The following CCDC127 variants were observed in gnomAD, a reference collection of about 807,000 sequenced individuals.
The protein encoded by CCDC127 is coiled-coil domain containing 127.
Under a neutral mutation model 4.1 loss-of-function variants are expected in CCDC127, and 2 were observed. The ratio of observed to expected loss-of-function variants is 0.49; its 90% CI spans 0.20 to 1.53. The LOEUF is 1.53. Ranked by LOEUF, CCDC127 falls within the 40% of genes most tolerant of loss-of-function variation. The pLI is 0.23. For missense variants in CCDC127, 271 were observed against 322.9 expected, an observed-to-expected ratio of 0.84 and a Z score of 1.23; for synonymous variants, 98 against 120.4, an observed-to-expected ratio of 0.81 and a Z score of 1.22.
Position 202,138 on chromosome 5 carries a change from A to C in CCDC127, c.*3159T>G, listed in dbSNP as rs1330523838. 6.6e-6 allele frequency: 1 copy of C among 152,282 alleles called. No homozygotes were observed. The highest frequency in any genetic ancestry group is 1.5e-5 in the Non-Finnish European group (1 of 68,058). 9.4% of individuals were successfully genotyped at this position (152,282 alleles called of 1,614,324 possible). ...CCACTGTGGGCTCACCTTTCGGTAC[A>C]TGTGTGGAGTTACCAAATGGCACAG... is the stretch of plus-strand genomic sequence containing the variant. On this transcript the variant is annotated 3_prime_UTR_variant, in exon 3 of 3. Coordinates refer to ENST00000296824, the MANE Select transcript of CCDC127 (RefSeq NM_145265.3).
chr5:206,013 T>A, intron 2 of CCDC127, 55 bp from the exon 3 acceptor site: 1 of 1,460,654 alleles, frequency 6.8e-7, no homozygotes, highest in South Asian at 1.3e-5. Flanking sequence ...TGAAGTTCTA[T>A]AATCCTCACT....
chr5:206,184 G>A (rs1369672095), intron 2 of CCDC127, among the ~76,000 whole-genome samples: 5 of 90,542 alleles, frequency 5.5e-5, no homozygotes, highest in African/African-American at 1.3e-4. Context: ...AGCCCTTTCC[G>A]TCTTCTAACT....
rs1560972906 is a variant in CCDC127 at position 201,182 on chromosome 5, CGAG to C, written c.*4112_*4114del. ...GTCCTCATGCTGGAACAAGACACCT[CGAG>C]GAGGAAGCAGCTGCCACTCATGGCT... On this transcript the variant is annotated 3_prime_UTR_variant, in exon 3 of 3. Transcript: ENST00000296824. 2.6e-5 allele frequency: 4 copies of C among 152,260 alleles called. No individual in the cohort carries two copies. The highest frequency in any genetic ancestry group is 9.6e-5 in the African/African-American group (4 of 41,452). 9.4% of individuals were successfully genotyped at this position (152,260 alleles called of 1,614,324 possible).
At chr5:206,485 C>A (rs1333627564) in intron 2 of CCDC127, among the ~76,000 whole-genome samples, 1 of 152,216 alleles carries the variant, frequency 6.6e-6, no homozygotes, top group East Asian at 1.9e-4. Flanking sequence ...ACGAAGATTG[C>A]TGGGAGGCTG....
rs988095456 is a variant in CCDC127, at chr5:203,426, G to C, written c.*1871C>G. 6.6e-6 allele frequency: 1 copy of C among 152,254 alleles called. No homozygotes were observed. The highest frequency in any genetic ancestry group is 1.5e-5 in the Non-Finnish European group (1 of 68,084). 9.4% of individuals were successfully genotyped at this position (152,254 alleles called of 1,614,324 possible). ...GGCGTGGGTGCCGAGAGCAGAGCATGGCAGGGGGCCCGTGTCTGTTGCAGG... is the reference window on the plus strand; with the variant it reads ...GGCGTGGGTGCCGAGAGCAGAGCATCGCAGGGGGCCCGTGTCTGTTGCAGG... On this transcript the variant is annotated 3_prime_UTR_variant, in exon 3 of 3. Coordinates refer to ENST00000296824, the MANE Select transcript of CCDC127 (RefSeq NM_145265.3).
At position 218,132 on chromosome 5, in the gene CCDC127, C is replaced by CCA. The variant is rs1382108173; in HGVS notation, c.-52_-51dup. ...GCGGGACCTCAGCGTTCCCTTAACG[C>CCA]CACCGTCCGCGGGTCCGCTTTGCGC... On this transcript the variant is annotated 5_prime_UTR_variant, in exon 1 of 3. Coordinates refer to ENST00000296824, the MANE Select transcript of CCDC127 (RefSeq NM_145265.3). 17 of 1,234,816 alleles carry CCA rather than the reference C, an allele frequency of 1.4e-5. No homozygotes were observed. The highest frequency in any genetic ancestry group is 1.6e-5 in the Non-Finnish European group (16 of 987,150). The allele number at this position is 1,234,816 out of a possible 1,614,324, so 76.5% of individuals were successfully genotyped here.
chr5:203,834 G>A lies in CCDC127; in HGVS notation c.*1463C>T, dbSNP rs951704725. 1 of 152,256 alleles carries A rather than the reference G, an allele frequency of 6.6e-6. No homozygotes were observed. Among genetic ancestry groups the A allele is most frequent in the Non-Finnish European group, 1.5e-5 (1 of 68,042 alleles). 9.4% of individuals were successfully genotyped at this position (152,256 alleles called of 1,614,324 possible). On this transcript the variant is annotated 3_prime_UTR_variant, in exon 3 of 3. Coordinates refer to ENST00000296824, the MANE Select transcript of CCDC127 (RefSeq NM_145265.3). ...TAGCTCTTCCACATCTCCGTAAAGT[G>A]AGGTGCGTGGTGACGAATTCACACA...
At chr5:206,155 A>G (rs540784646) in intron 2 of CCDC127, among the ~76,000 whole-genome samples, 197 bp from the exon 3 acceptor site, 2 of 150,368 alleles carry the variant, frequency 1.3e-5, no homozygotes, top group East Asian at 3.9e-4. Flanking sequence ...GGGCTGGGTG[A>G]CCAAAAGACC....
At chr5:213,265 C>T (rs532058190) in intron 2 of CCDC127, among the ~76,000 whole-genome samples, 21 of 75,076 alleles carry the variant, frequency 2.8e-4, no homozygotes, top group African/African-American at 4.6e-4. Flanking sequence ...CACTGATGCT[C>T]GACATCGCAC....
chr5:208,844 T>A (rs6861223), intron 2 of CCDC127, among the ~76,000 whole-genome samples: 1 of 152,006 alleles, frequency 6.6e-6, no homozygotes, highest in African/African-American at 2.4e-5. Flanking sequence ...AATGCGCAGG[T>A]TCAAACAGAA....
chr5:216,274 G>A (rs191359098), intron 2 of CCDC127: 60 of 193,048 alleles, frequency 3.1e-4, no homozygotes, highest in African/African-American at 1.3e-3. Context: ...CTGGTCACTC[G>A]ATCTGCCCAC....
At chr5:210,105 G>A (rs1734250793) in intron 2 of CCDC127, among the ~76,000 whole-genome samples, 1 of 152,178 alleles carries the variant, frequency 6.6e-6, no homozygotes, top group Non-Finnish European at 1.5e-5. Context: ...AGGCAAACAG[G>A]CTGGAAAGAA....
intron 2 of CCDC127, among the ~76,000 whole-genome samples, chr5:206,683 T>C (rs749899924): frequency 1.3e-5 from 2 of 152,126 alleles, no homozygotes; most frequent in African/African-American, 2.4e-5. Context: ...GTTTCAACAA[T>C]AAAAAAAGAC....
At chr5:209,857 G>GA (rs1734243989) in intron 2 of CCDC127, among the ~76,000 whole-genome samples, 1 of 151,794 alleles carries the variant, frequency 6.6e-6, no homozygotes, top group Admixed American at 6.6e-5. Context: ...AGCTGATGAA[G>GA]AAAAATCACG....
At position 197,296 on chromosome 5, in the gene CCDC127, C is replaced by T. The variant is rs947649718; in HGVS notation, c.*8001G>A. 6.6e-6 allele frequency: 1 copy of T among 152,216 alleles called. No homozygotes were observed. The highest frequency in any genetic ancestry group is 1.9e-4 in the East Asian group (1 of 5,182). 9.4% of individuals were successfully genotyped at this position (152,216 alleles called of 1,614,324 possible). On this transcript the variant is annotated 3_prime_UTR_variant, in exon 3 of 3. Coordinates refer to ENST00000296824, the MANE Select transcript of CCDC127 (RefSeq NM_145265.3). ...CGAGCAGGAGACAGTGGACTTCTCTCTCTCAACTGCAAGAGGCTTTCGTCT... is the reference window on the plus strand; with the variant it reads ...CGAGCAGGAGACAGTGGACTTCTCTTTCTCAACTGCAAGAGGCTTTCGTCT...
chr5:206,663 A>G (rs1401086045), intron 2 of CCDC127, among the ~76,000 whole-genome samples: 1 of 152,208 alleles, frequency 6.6e-6, no homozygotes, highest in Non-Finnish European at 1.5e-5. Context: ...CACAAGTAAG[A>G]GTTGGATGTG....
chr5:204,325 C>A lies in CCDC127; in HGVS notation c.*972G>T, dbSNP rs9312962. The A allele has an allele frequency of 0.35, 53,902 of 152,140 alleles. 11,908 individuals are homozygous for A. The highest frequency in any genetic ancestry group is 0.62 in the African/African-American group (25,822 of 41,466). 9.4% of individuals were successfully genotyped at this position (152,140 alleles called of 1,614,324 possible). On this transcript the variant is annotated 3_prime_UTR_variant, in exon 3 of 3. Coordinates refer to ENST00000296824, the MANE Select transcript of CCDC127 (RefSeq NM_145265.3). ...CTGGCCTTGGGGCACCTCCGCAAAG[C>A]GTAATAGTAATACTCACTTCACAGG...
Position 205,548 on chromosome 5 carries a change from G to T in CCDC127, c.532C>A (p.Leu178Ile). Residue 178 changes from leucine (L) to isoleucine (I), a missense_variant, in exon 3 of 3, where the codon CTT (leucine) becomes ATT (isoleucine). By Grantham distance (5) the Leu-to-Ile change is conservative. Coordinates refer to ENST00000296824, the MANE Select transcript of CCDC127 (RefSeq NM_145265.3). Reference sequence around the variant, plus strand: ...ATCTCCAGCCGCTTGCTGCGAGGAAGAAACAGACTGCAGTAGATATTCTGT... The same window carrying T: ...ATCTCCAGCCGCTTGCTGCGAGGAATAAACAGACTGCAGTAGATATTCTGT... ...ERQNIYCSLF[L>I]PRSKRLEIEK... 1 of 1,614,168 alleles carries T rather than the reference G, an allele frequency of 6.2e-7. No homozygotes were observed.
chr5:210,665 A>G lies in CCDC127; in HGVS notation c.122-4707T>C, dbSNP rs1397473987. On this transcript the variant is annotated intron_variant, in intron 2 of 2. Coordinates refer to ENST00000296824, the MANE Select transcript of CCDC127 (RefSeq NM_145265.3). ...ACGGGACAGCAGTGTGAGCACGCTG[A>G]TGCTCGACATCGCACACTGCAGCCA... Among the ~76,000 whole-genome samples the G allele has an allele frequency of 5.2e-4, 77 of 149,512 alleles. 1 individual carries two copies. Among genetic ancestry groups the G allele is most frequent in the Non-Finnish European group, 5.9e-5 (4 of 67,560 alleles).
Sources: gnomAD v4.1 joint callset for allele counts (sites outside exome capture counted in the v4.1 genomes callset) on GRCh38, gnomAD v4.1.1 for gene constraint, MANE v1.5 for transcripts, NCBI Gene and HGNC (gene_info 2026-07-23, HGNC 2026-07-21) for gene names.